Variants in DSCAM observed in about 807,000 individuals in gnomAD.
DSCAM encodes the protein DS cell adhesion molecule.
Under a neutral mutation model 217.7 loss-of-function variants are expected in DSCAM, and 47 were observed. The ratio of observed to expected loss-of-function variants is 0.22; its 90% CI spans 0.17 to 0.28. The LOEUF (loss-of-function observed/expected upper bound fraction) is 0.28. Among genes scored for constraint, DSCAM ranks in the 10% least tolerant of loss-of-function variants. The pLI is 1.00. For missense variants in DSCAM, 2,080 were observed against 2,618.3 expected, an observed-to-expected ratio of 0.79 and a Z score of 4.49; for synonymous variants, 1,056 against 1,015.3, an observed-to-expected ratio of 1.04 and a Z score of -0.76.
chr21:40,793,491 T>TTTA (rs943968960), intron 1 of DSCAM, among the ~76,000 whole-genome samples: 1 of 152,036 alleles, frequency 6.6e-6, no homozygotes, highest in African/African-American at 2.4e-5. Context: ...GGTGTTTTAT[T>TTTA]TTATTATTAT....
chr21:40,623,963 AT>A (rs929697252), intron 3 of DSCAM, among the ~76,000 whole-genome samples: 9 of 152,028 alleles, frequency 5.9e-5, no homozygotes, highest in African/African-American at 2.2e-4. Flanking sequence ...GGCACACAAG[AT>A]TTTTTTCAGT....
At chr21:40,152,953 T>C (rs16999395) in intron 16 of DSCAM, among the ~76,000 whole-genome samples, 11,282 of 152,332 alleles carry the variant, frequency 0.074, 1,345 homozygotes, top group African/African-American at 0.25. Flanking sequence ...AGAGCCTCAC[T>C]GCAGAATTTC....
At chr21:40,798,374 A>T (rs1273750657) in intron 1 of DSCAM, among the ~76,000 whole-genome samples, 1 of 152,152 alleles carries the variant, frequency 6.6e-6, no homozygotes, top group Non-Finnish European at 1.5e-5. Flanking sequence ...GAAATTTATT[A>T]ATGCTTATAT....
At chr21:40,088,871 C>T (rs1378247110) in intron 21 of DSCAM, among the ~76,000 whole-genome samples, 4 of 152,206 alleles carry the variant, frequency 2.6e-5, no homozygotes, top group African/African-American at 7.2e-5. Flanking sequence ...TTACATCAAA[C>T]TCCAGAAGCT....
intron 1 of DSCAM, among the ~76,000 whole-genome samples, chr21:40,838,417 C>G (rs1214986154): frequency 6.6e-6 from 1 of 152,208 alleles, no homozygotes; most frequent in East Asian, 1.9e-4. Context: ...CAGCTTCTAC[C>G]TGATCATTGT....
chr21:40,296,118 C>T lies in DSCAM; in HGVS notation c.2119G>A (p.Val707Ile). Reference sequence around the variant, plus strand: ...CCCTCAGCAGAACAATTGAGGATGACTGCTTTGCCATAAATCCCGTCCTGG... The same window carrying T: ...CCCTCAGCAGAACAATTGAGGATGATTGCTTTGCCATAAATCCCGTCCTGG... ...RDQDGIYGKA[V>I]ILNCSAEGYP... The change falls in exon 10 of 33, where the codon GTC (valine) becomes ATC (isoleucine). Residue 707 changes from valine to isoleucine, a missense_variant. By Grantham distance (29) the Val-to-Ile change is conservative (BLOSUM62 3). Coordinates refer to ENST00000400454, the MANE Select transcript of DSCAM (RefSeq NM_001389.5). 1 of 1,614,128 alleles carries T rather than the reference C, an allele frequency of 6.2e-7. No individual in the cohort carries two copies. The highest frequency in any genetic ancestry group is 8.5e-7 in the Non-Finnish European group (1 of 1,179,988).
At chr21:40,351,444 CTT>C (rs2074630181) in intron 5 of DSCAM, among the ~76,000 whole-genome samples, 1 of 152,154 alleles carries the variant, frequency 6.6e-6, no homozygotes, top group Non-Finnish European at 1.5e-5. Flanking sequence ...GGTTGACACA[CTT>C]GTCTGACATT....
At chr21:40,055,619 C>A in intron 29 of DSCAM, 106 bp downstream of exon 29, 1 of 806,430 alleles carries the variant, frequency 1.2e-6, no homozygotes, top group Non-Finnish European at 2.1e-6. Flanking sequence ...CTCACGTAGC[C>A]TTCAAGACGC....
chr21:40,693,195 G>T (rs1385319395), intron 2 of DSCAM, among the ~76,000 whole-genome samples: 1 of 152,192 alleles, frequency 6.6e-6, no homozygotes, highest in Non-Finnish European at 1.5e-5. Flanking sequence ...ACCACTTTGG[G>T]AGGCCAAGAT....
At chr21:40,248,906 T>G (rs1250286167) in intron 11 of DSCAM, among the ~76,000 whole-genome samples, 1 of 152,152 alleles carries the variant, frequency 6.6e-6, no homozygotes, top group Non-Finnish European at 1.5e-5. Flanking sequence ...AAGCCACTTC[T>G]TACATGGTGG....
chr21:40,270,734 G>C (rs1601504111), intron 11 of DSCAM, among the ~76,000 whole-genome samples: 1 of 152,086 alleles, frequency 6.6e-6, no homozygotes, highest in African/African-American at 2.4e-5. Context: ...GGTGGCCAAA[G>C]CTTCACCATG....
intron 8 of DSCAM, among the ~76,000 whole-genome samples, chr21:40,312,907 G>A (rs571475745): frequency 6.6e-6 from 1 of 152,256 alleles, no homozygotes; most frequent in African/African-American, 2.4e-5. Context: ...GAGGCCAGGA[G>A]TTCAAGACTA....
chr21:40,370,384 G>T (rs1223441608), intron 3 of DSCAM, among the ~76,000 whole-genome samples: 2 of 152,008 alleles, frequency 1.3e-5, no homozygotes, highest in Non-Finnish European at 1.5e-5. Context: ...CCACTAGAAA[G>T]AATGTGATTT....
chr21:40,198,591 C>T (rs186858535), intron 11 of DSCAM, among the ~76,000 whole-genome samples: 70 of 152,308 alleles, frequency 4.6e-4, no homozygotes, highest in African/African-American at 1.6e-3. Context: ...GGTGCCACAC[C>T]CAGAAATGTT....
At chr21:40,430,089 T>A (rs939776886) in intron 3 of DSCAM, among the ~76,000 whole-genome samples, 1 of 152,224 alleles carries the variant, frequency 6.6e-6, no homozygotes, top group Non-Finnish European at 1.5e-5. Context: ...GGCTGGTCGC[T>A]GCTTGTCACC....
At chr21:40,299,817 A>G (rs994996302) in intron 9 of DSCAM, among the ~76,000 whole-genome samples, 1 of 152,144 alleles carries the variant, frequency 6.6e-6, no homozygotes, top group Non-Finnish European at 1.5e-5. Flanking sequence ...TTTATTTTTT[A>G]AAAAGTGCAG....
In DSCAM at chr21:40,834,423, AT is replaced by A. The variant is rs1569060309; in HGVS notation, c.43+12195del. ...CTCTGTCTCCAAAATAATAATAATA[AT>A]AAAATAATAATAATAATAATAATAA... On this transcript the variant is annotated intron_variant, in intron 1 of 32. Coordinates refer to ENST00000400454, the MANE Select transcript of DSCAM (RefSeq NM_001389.5). Among the ~76,000 whole-genome samples, 219 of 109,708 alleles carry A rather than the reference AT, an allele frequency of 2.0e-3. 1 individual carries two copies. The highest frequency in any genetic ancestry group is 6.4e-3 in the African/African-American group (184 of 28,850). The allele number at this position is 109,708 out of a possible 152,430, so 72.0% of individuals were successfully genotyped here.
intron 3 of DSCAM, among the ~76,000 whole-genome samples, chr21:40,373,194 G>A (rs1235585784): frequency 5.9e-5 from 9 of 152,174 alleles, no homozygotes; most frequent in African/African-American, 2.2e-4. Flanking sequence ...TGAACTATGG[G>A]TTGTTAATGC....
In DSCAM at chr21:40,209,524, T is replaced by C. The variant is rs7281029; in HGVS notation, c.2357-20286A>G. 1.0e-2 allele frequency among the ~76,000 whole-genome samples: 1,515 copies of C among 152,232 alleles called. 30 individuals carry two copies. The highest frequency in any genetic ancestry group is 0.033 in the African/African-American group (1,362 of 41,524). On this transcript the variant is annotated intron_variant, in intron 11 of 32. Coordinates refer to ENST00000400454, the MANE Select transcript of DSCAM (RefSeq NM_001389.5). The stretch of plus-strand genomic sequence containing the variant: ...CTCTCTCCTGAGCTGCTGTCTCCCA[T>C]CTCTGGAGGTCAGCCAGGTACTTCC...
Sources: allele counts gnomAD v4.1 joint callset (sites outside exome capture counted in the v4.1 genomes callset), GRCh38; gene constraint gnomAD v4.1.1; transcripts MANE v1.5; gene names NCBI Gene and HGNC (gene_info 2026-07-23, HGNC 2026-07-21).